Variants in TWSG1 observed in about 807,000 individuals in gnomAD.
The protein encoded by TWSG1 is twisted gastrulation protein homolog 1.
A neutral mutation model predicts 23.0 loss-of-function variants in TWSG1; 15 were observed. The ratio of observed to expected loss-of-function variants is 0.65; its 90% CI spans 0.44 to 1.00. The LOEUF (loss-of-function observed/expected upper bound fraction) is 1.00. Ranked by LOEUF, TWSG1 falls within the 50% of genes least tolerant of loss-of-function variation. The probability of loss-of-function intolerance (pLI) is 0.00; values close to 1 mark genes in which losing one functional copy is unlikely to be tolerated. For missense variants in TWSG1, 242 were observed against 278.7 expected (o/e 0.87, Z 0.94); for synonymous variants, 86 against 92.8 (o/e 0.93, Z 0.42).
At chr18:9,347,530 A>C (rs970858020) in intron 2 of TWSG1, among the ~76,000 whole-genome samples, 1 of 152,036 alleles carries the variant, frequency 6.6e-6, no homozygotes, top group African/African-American at 2.4e-5. Context: ...AATATTTTGT[A>C]GTTTTCTGTG....
intron 3 of TWSG1, among the ~76,000 whole-genome samples, chr18:9,386,226 G>A (rs372210644): frequency 3.3e-5 from 5 of 151,004 alleles, no homozygotes; most frequent in African/African-American, 9.7e-5. Flanking sequence ...TTGGGAGATC[G>A]AGGTGGGCAG....
At chr18:9,354,194 T>TATAAAGCAGTAA (rs2040514646) in intron 2 of TWSG1, among the ~76,000 whole-genome samples, 1 of 152,224 alleles carries the variant, frequency 6.6e-6, no homozygotes, top group Non-Finnish European at 1.5e-5. Context: ...TGAATGAAGT[T>TATAAAGCAGTAA]GTATAAATTT....
intron 2 of TWSG1, among the ~76,000 whole-genome samples, chr18:9,354,070 A>T (rs536241916): frequency 1.3e-5 from 2 of 152,234 alleles, no homozygotes; most frequent in African/African-American, 4.8e-5. Flanking sequence ...AGAGAGTAAT[A>T]ACTGTAATTA....
intron 3 of TWSG1, among the ~76,000 whole-genome samples, chr18:9,360,373 GTTTT>G (rs2040546902): frequency 6.7e-6 from 1 of 149,770 alleles, no homozygotes; most frequent in Admixed American, 6.6e-5. Flanking sequence ...TTTTTTTTTT[GTTTT>G]TAATAAGAAG....
At chr18:9,363,941 T>C (rs1440892502) in intron 3 of TWSG1, among the ~76,000 whole-genome samples, 1 of 152,222 alleles carries the variant, frequency 6.6e-6, no homozygotes, top group Non-Finnish European at 1.5e-5. Flanking sequence ...TAACAGTACT[T>C]CTTTAATATC....
In TWSG1 at chr18:9,358,138, C is replaced by G. The variant is rs78970518; in HGVS notation, c.124-1834C>G. Among the ~76,000 whole-genome samples, 401 of 152,180 alleles carry G rather than the reference C, an allele frequency of 2.6e-3. 2 individuals carry two copies. The highest frequency in any genetic ancestry group is 4.3e-3 in the Non-Finnish European group (292 of 68,004). On this transcript the variant is annotated intron_variant, in intron 2 of 4. Transcript: ENST00000262120. The stretch of plus-strand genomic sequence containing the variant: ...TGCAGCTGGTTGCAAAGGACTAGAG[C>G]CAAGAACTAGAGCATTATTAGGAAT...
chr18:9,350,210 C>T (rs1015907899), intron 2 of TWSG1, among the ~76,000 whole-genome samples: 1 of 151,834 alleles, frequency 6.6e-6, no homozygotes, highest in Non-Finnish European at 1.5e-5. Flanking sequence ...CCATGAAAAT[C>T]TCTGAAATTA....
chr18:9,338,367 C>T (rs576052952), intron 2 of TWSG1, among the ~76,000 whole-genome samples: 24 of 152,238 alleles, frequency 1.6e-4, no homozygotes, highest in African/African-American at 4.6e-4. Flanking sequence ...TTAACTTTTT[C>T]GCTGTGGACA....
At chr18:9,354,920 G>A (rs1259679730) in intron 2 of TWSG1, among the ~76,000 whole-genome samples, 2 of 151,842 alleles carry the variant, frequency 1.3e-5, no homozygotes, top group Non-Finnish European at 2.9e-5. Context: ...GGTTATAGAA[G>A]ACATGTGTTC....
At chr18:9,366,051 C>G (rs1172650358) in intron 3 of TWSG1, among the ~76,000 whole-genome samples, 1 of 152,134 alleles carries the variant, frequency 6.6e-6, no homozygotes, top group African/African-American at 2.4e-5. Flanking sequence ...ATAAATAAAA[C>G]ATGGCAAGCA....
intron 3 of TWSG1, among the ~76,000 whole-genome samples, chr18:9,366,928 T>TA (rs2040581816): frequency 1.3e-5 from 2 of 152,132 alleles, no homozygotes; most frequent in Admixed American, 1.3e-4. Flanking sequence ...TGAGAACACT[T>TA]AAAATCTACT....
At chr18:9,377,278 G>A (rs2040635053) in intron 3 of TWSG1, among the ~76,000 whole-genome samples, 1 of 151,832 alleles carries the variant, frequency 6.6e-6, no homozygotes, top group Non-Finnish European at 1.5e-5. Flanking sequence ...GCGTGCAGTG[G>A]TGCGACCTCG....
At chr18:9,379,866 A>C (rs1352280239) in intron 3 of TWSG1, among the ~76,000 whole-genome samples, 2 of 152,186 alleles carry the variant, frequency 1.3e-5, no homozygotes, top group Admixed American at 1.3e-4. Context: ...TTTAATATTG[A>C]TTCTTCCTAC....
At position 9,401,999 on chromosome 18, in the gene TWSG1, A is replaced by G. The variant is rs1213553611; in HGVS notation, c.*2472A>G. On this transcript the variant is annotated 3_prime_UTR_variant, in exon 5 of 5. Transcript: ENST00000262120. Reference sequence around the variant, plus strand: ...AGGTTTTTCTGTTAGTTTTTCCCCCATAACATTTAATTATTACTAAAATTG... The same window carrying G: ...AGGTTTTTCTGTTAGTTTTTCCCCCGTAACATTTAATTATTACTAAAATTG... 3 of 152,236 alleles carry G rather than the reference A, an allele frequency of 2.0e-5. No individual in the cohort carries two copies. The highest frequency in any genetic ancestry group is 1.9e-4 in the East Asian group (1 of 5,188). The allele number at this position is 152,236 out of a possible 1,614,324, so 9.4% of individuals were successfully genotyped here.
Position 9,386,468 on chromosome 18 carries a change from A to T in TWSG1, c.224-9812A>T, listed in dbSNP as rs562546559. Among the ~76,000 whole-genome samples the T allele has an allele frequency of 4.6e-5, 7 of 151,410 alleles. No homozygotes were observed. In the South Asian group the frequency reaches 1.5e-3, roughly 32 times the overall value. On this transcript the variant is annotated intron_variant, in intron 3 of 4. Transcript: ENST00000262120. ...GACTCCATCTCAAAAAAAAAAAAAAAGCAATTGGAAAAATAATAAGAGAGT... is the reference window on the plus strand; with the variant it reads ...GACTCCATCTCAAAAAAAAAAAAAATGCAATTGGAAAAATAATAAGAGAGT...
At chr18:9,378,135 C>A (rs2040639706) in intron 3 of TWSG1, among the ~76,000 whole-genome samples, 1 of 152,142 alleles carries the variant, frequency 6.6e-6, no homozygotes, top group Non-Finnish European at 1.5e-5. Context: ...AAAGATCAGC[C>A]ACAGACTAGG....
chr18:9,347,755 G>A (rs2040484041), intron 2 of TWSG1, among the ~76,000 whole-genome samples: 1 of 151,650 alleles, frequency 6.6e-6, no homozygotes, highest in South Asian at 2.1e-4. Context: ...TTTAATTTTA[G>A]CAATAACTTT....
At chr18:9,376,426 C>CA (rs1241446183) in intron 3 of TWSG1, among the ~76,000 whole-genome samples, 5 of 151,758 alleles carry the variant, frequency 3.3e-5, no homozygotes, top group Non-Finnish European at 5.9e-5. Context: ...GTGGTAATGG[C>CA]AAAAAAACAG....
intron 3 of TWSG1, among the ~76,000 whole-genome samples, chr18:9,381,222 A>G (rs2040654531): frequency 6.6e-6 from 1 of 152,200 alleles, no homozygotes; most frequent in South Asian, 2.1e-4. Flanking sequence ...AACTGCCAGC[A>G]CATTTTGCCG....
Sources: allele counts gnomAD v4.1 joint callset (sites outside exome capture counted in the v4.1 genomes callset), GRCh38; gene constraint gnomAD v4.1.1; transcripts MANE v1.5; gene names NCBI Gene and HGNC (gene_info 2026-07-23, HGNC 2026-07-21).